RUFY3: variants seen among roughly 807,000 people sequenced by gnomAD.
RUFY3 encodes protein RUFY3.
Under a neutral mutation model 84.0 loss-of-function variants are expected in RUFY3, and 34 were observed. That is an observed-to-expected ratio of 0.40 (90% CI 0.31 to 0.54). RUFY3 has a LOEUF of 0.54. Among genes scored for constraint, RUFY3 ranks in the 20% least tolerant of loss-of-function variants. The pLI is 0.39. For missense variants in RUFY3, 507 were observed against 736.8 expected (o/e 0.69, Z 3.61); for synonymous variants, 242 against 252.9 (o/e 0.96, Z 0.41).
rs550831231 is a variant in RUFY3 at position 70,791,174 on chromosome 4, A to T, written c.1337+1582A>T. The T allele has an allele frequency of 2.2e-5, 33 of 1,469,316 alleles. No homozygotes were observed. The South Asian group carries it at 3.6e-4, about 16-fold the overall frequency. 91.0% of individuals were successfully genotyped at this position (1,469,316 alleles called of 1,614,324 possible). A position where few individuals can be genotyped will look rare whatever the true frequency, so the allele number is the denominator to read the frequency against. The stretch of plus-strand genomic sequence containing the variant: ...CTTGCTATTTTTGTGTTTCCTGTTT[A>T]TCCATTTTCTCATTCTCCTTTCACT... On this transcript the variant is annotated intron_variant, in intron 12 of 17. Transcript: ENST00000381006.
intron 1 of RUFY3, among the ~76,000 whole-genome samples, chr4:70,713,017 T>C (rs540021115): frequency 4.6e-5 from 7 of 152,324 alleles, no homozygotes; most frequent in Non-Finnish European, 8.8e-5. Flanking sequence ...AAAGGAAATT[T>C]TTTTTTGTTT....
At chr4:70,717,555 T>C (rs1220178669), upstream of RUFY3, among the ~76,000 whole-genome samples, 1 of 152,156 alleles carries the variant, frequency 6.6e-6, no homozygotes, top group Non-Finnish European at 1.5e-5. Context: ...AACTCATCTT[T>C]AGGAAATTTC....
chr4:70,757,945 CAT>C (rs1312873866), intron 1 of RUFY3, among the ~76,000 whole-genome samples: 2 of 152,152 alleles, frequency 1.3e-5, no homozygotes, highest in Non-Finnish European at 2.9e-5. Flanking sequence ...TCATTTTTCT[CAT>C]AGGAAAAGCT....
chr4:70,715,865 G>A (rs944134161), intron 1 of RUFY3, among the ~76,000 whole-genome samples: 10 of 152,138 alleles, frequency 6.6e-5, no homozygotes, highest in Non-Finnish European at 4.4e-5. Flanking sequence ...TGTAATCCCA[G>A]CACTTTGGGA....
chr4:70,786,659 A>G (rs1020589518), intron 10 of RUFY3, among the ~76,000 whole-genome samples: 2 of 152,176 alleles, frequency 1.3e-5, no homozygotes, highest in African/African-American at 4.8e-5. Flanking sequence ...GTTCTATACC[A>G]TAAATTACTA....
chr4:70,708,998 C>G (rs1740671878), intron 1 of RUFY3, among the ~76,000 whole-genome samples: 1 of 152,160 alleles, frequency 6.6e-6, no homozygotes, highest in Admixed American at 6.6e-5. Context: ...GTTGAGGATG[C>G]AGTGAGTCGT....
upstream of RUFY3, chr4:70,704,754 T>C (rs985150149): frequency 1.1e-4 from 43 of 377,000 alleles, no homozygotes; most frequent in Non-Finnish European, 1.8e-4. Flanking sequence ...GCTTGGACCC[T>C]GGCGGGGCGG....
chr4:70,800,492 G>C (rs1272893897), intron 15 of RUFY3, among the ~76,000 whole-genome samples: 3 of 152,214 alleles, frequency 2.0e-5, no homozygotes, highest in African/African-American at 7.2e-5. Flanking sequence ...CACCTTTACT[G>C]AATTGGTATC....
chr4:70,779,590 T>C (rs927420499), intron 8 of RUFY3, among the ~76,000 whole-genome samples: 8 of 151,200 alleles, frequency 5.3e-5, no homozygotes, highest in East Asian at 1.9e-4. Flanking sequence ...TTTTCTTTTT[T>C]TTTTTTTTTT....
intron 6 of RUFY3, among the ~76,000 whole-genome samples, chr4:70,774,635 AAAAAAAAAAATAT>A: frequency 8.0e-6 from 1 of 125,360 alleles, no homozygotes; most frequent in African/African-American, 3.6e-5. Flanking sequence ...AAAAAAAAAA[AAAAAAAAAAATAT>A]ATATATATAT....
intron 9 of RUFY3, among the ~76,000 whole-genome samples, chr4:70,784,347 G>T (rs1729432047): frequency 6.6e-6 from 1 of 152,162 alleles, no homozygotes; most frequent in Non-Finnish European, 1.5e-5. Flanking sequence ...GCCGGGCGTG[G>T]TGGCGCACGC....
intron 6 of RUFY3, among the ~76,000 whole-genome samples, chr4:70,774,193 A>G (rs979085878): frequency 4.6e-5 from 7 of 152,112 alleles, no homozygotes; most frequent in Non-Finnish European, 8.8e-5. Context: ...GTAATTGTAT[A>G]GGTTTGGGGC....
intron 1 of RUFY3, among the ~76,000 whole-genome samples, chr4:70,706,754 G>C (rs933539149): frequency 6.6e-6 from 1 of 152,174 alleles, no homozygotes; most frequent in Non-Finnish European, 1.5e-5. Context: ...GTGTTGGAGT[G>C]GTCTGCACTA....
At chr4:70,787,153 T>TA (rs1729948952) in intron 10 of RUFY3, among the ~76,000 whole-genome samples, 1 of 99,154 alleles carries the variant, frequency 1.0e-5, no homozygotes, top group African/African-American at 4.3e-5. Context: ...GGTGACAAAG[T>TA]GAGACCCTGT....
intron 1 of RUFY3, among the ~76,000 whole-genome samples, chr4:70,760,632 A>AGTTT (rs1228560834): frequency 1.3e-5 from 2 of 152,112 alleles, no homozygotes; most frequent in Admixed American, 1.3e-4. Context: ...GGAAATTAAT[A>AGTTT]TCTGATAGTT....
intron 14 of RUFY3, among the ~76,000 whole-genome samples, chr4:70,798,630 A>C (rs534153176): frequency 1.5e-4 from 23 of 152,064 alleles, no homozygotes; most frequent in Non-Finnish European, 2.8e-4. Context: ...AAAATACAAA[A>C]AAGTATCTGG....
At chr4:70,772,440 A>G (rs1268045586) in intron 5 of RUFY3, among the ~76,000 whole-genome samples, 1 of 152,126 alleles carries the variant, frequency 6.6e-6, no homozygotes, top group African/African-American at 2.4e-5. Flanking sequence ...CTAGCTGAAT[A>G]TATTTTATAA....
exon 1 of RUFY3, chr4:70,704,902 G>T: frequency 8.4e-7 from 1 of 1,194,884 alleles, no homozygotes; most frequent in Non-Finnish European, 1.0e-6. Context: ...AGGCCCGGGC[G>T]CGAATCGGAG....
At chr4:70,761,113 A>G (rs1368203568) in intron 1 of RUFY3, among the ~76,000 whole-genome samples, 1 of 152,196 alleles carries the variant, frequency 6.6e-6, no homozygotes, top group Non-Finnish European at 1.5e-5. Flanking sequence ...AAGAAATGGA[A>G]TACATCATAG....
Sources: allele counts gnomAD v4.1 joint callset (sites outside exome capture counted in the v4.1 genomes callset), GRCh38; gene constraint gnomAD v4.1.1; transcripts MANE v1.5; gene names NCBI Gene and HGNC (gene_info 2026-07-23, HGNC 2026-07-21).